RNF13: variants seen among roughly 807,000 people sequenced by gnomAD.
The protein encoded by RNF13 is ring finger protein 13.
Under a neutral mutation model 37.7 loss-of-function variants are expected in RNF13, and 19 were observed. That is an observed-to-expected ratio of 0.50 (90% CI 0.35 to 0.74). The LOEUF (loss-of-function observed/expected upper bound fraction) is 0.74. Among genes scored for constraint, RNF13 ranks in the 30% least tolerant of loss-of-function variants. The pLI is 0.01. For synonymous variants in RNF13, 144 were observed against 157.8 expected, an observed-to-expected ratio of 0.91 and a Z score of 0.65; for missense variants, 375 against 453.0, an observed-to-expected ratio of 0.83 and a Z score of 1.56.
At chr3:149,856,699 T>C (rs1431145819) in intron 3 of RNF13, among the ~76,000 whole-genome samples, 1 of 152,132 alleles carries the variant, frequency 6.6e-6, no homozygotes, top group Non-Finnish European at 1.5e-5. Context: ...TGCTTCGGCC[T>C]CCTAAAGTGA....
Position 149,846,086 on chromosome 3 carries a change from T to C in RNF13, c.60T>C (p.Thr20=). 1.2e-6 allele frequency: 2 copies of C among 1,613,250 alleles called. No homozygotes were observed. The highest frequency in any genetic ancestry group is 1.7e-6 in the Non-Finnish European group (2 of 1,179,884). The change falls in exon 2 of 10, where the codon ACT becomes ACC. Residue 20 remains threonine (T), a synonymous_variant. Transcript: ENST00000392894. Reference sequence around the variant, plus strand: ...CCACACAAGTCTACACCATCTTGACTGTCCAGCTCTTTGCATTCTTAAACC... The same window carrying C: ...CCACACAAGTCTACACCATCTTGACCGTCCAGCTCTTTGCATTCTTAAACC... ...LSATQVYTIL[T]VQLFAFLNLL...
intron 1 of RNF13, among the ~76,000 whole-genome samples, chr3:149,843,094 A>G (rs1722325544): frequency 6.6e-6 from 1 of 152,206 alleles, no homozygotes; most frequent in African/African-American, 2.4e-5. Flanking sequence ...AAGTGACTAT[A>G]CTGAACATGT....
At position 149,841,925 on chromosome 3, in the gene RNF13, C is replaced by T. The variant is rs529759875; in HGVS notation, c.-16-4086C>T. ...GATTACAGGTGTGAGCTGCTACACT[C>T]GGCCTGGGCAGATTCTTAAATGTGA... On this transcript the variant is annotated intron_variant, in intron 1 of 9. Transcript: ENST00000392894. Among the ~76,000 whole-genome samples the T allele has an allele frequency of 6.6e-5, 10 of 152,312 alleles. No homozygotes were observed. In the South Asian group the frequency reaches 2.1e-3, roughly 32 times the overall value.
intron 1 of RNF13, among the ~76,000 whole-genome samples, chr3:149,836,709 A>T (rs1359426568): frequency 2.0e-5 from 3 of 152,172 alleles, no homozygotes; most frequent in Non-Finnish European, 4.4e-5. Context: ...GCAGGAACTC[A>T]GTTATTTTTT....
chr3:149,885,692 C>T (rs1282703327), intron 4 of RNF13, among the ~76,000 whole-genome samples: 9 of 152,156 alleles, frequency 5.9e-5, no homozygotes. Flanking sequence ...TGTCTCTTTA[C>T]TTTGTTGATT....
At chr3:149,939,867 G>A (rs1020337743) in intron 8 of RNF13, 7 of 450,224 alleles carry the variant, frequency 1.6e-5, no homozygotes, top group Admixed American at 1.5e-4. Flanking sequence ...CCAGAGAACA[G>A]CCGCGCAGGA....
chr3:149,955,903 C>G (rs1034905450), intron 8 of RNF13, among the ~76,000 whole-genome samples: 17 of 152,132 alleles, frequency 1.1e-4, no homozygotes, highest in African/African-American at 4.1e-4. Context: ...AGTTTCAAGC[C>G]TTGTTTAAAA....
At chr3:149,827,337 A>G (rs1720604507) in intron 1 of RNF13, among the ~76,000 whole-genome samples, 1 of 152,220 alleles carries the variant, frequency 6.6e-6, no homozygotes, top group African/African-American at 2.4e-5. Context: ...GACCATCCAT[A>G]GATTTTAGTA....
At chr3:149,919,516 G>A (rs1056973769) in intron 7 of RNF13, among the ~76,000 whole-genome samples, 2 of 151,990 alleles carry the variant, frequency 1.3e-5, no homozygotes, top group Admixed American at 6.6e-5. Flanking sequence ...ACTCTTTTGT[G>A]TCTGTCTTCT....
chr3:149,940,138 A>G (rs777419731), intron 8 of RNF13, among the ~76,000 whole-genome samples: 2 of 152,126 alleles, frequency 1.3e-5, no homozygotes, highest in Non-Finnish European at 2.9e-5. Context: ...AGTATTTCAT[A>G]ATGATTCCAC....
At chr3:149,923,710 G>C (rs1341314580) in intron 8 of RNF13, among the ~76,000 whole-genome samples, 1 of 141,494 alleles carries the variant, frequency 7.1e-6, no homozygotes. Flanking sequence ...AGGTTGCAGT[G>C]AGCCGAGATC....
At chr3:149,892,317 C>T (rs1305230248) in intron 4 of RNF13, among the ~76,000 whole-genome samples, 2 of 152,112 alleles carry the variant, frequency 1.3e-5, no homozygotes, top group African/African-American at 2.4e-5. Flanking sequence ...GTTTTAAAAG[C>T]CTAATGGTTA....
At chr3:149,854,548 T>TTACCC (rs1723458716) in intron 3 of RNF13, among the ~76,000 whole-genome samples, 1 of 152,212 alleles carries the variant, frequency 6.6e-6, no homozygotes, top group Admixed American at 6.5e-5. Flanking sequence ...GAAAGGGATT[T>TTACCC]ATAAAGGGAT....
intron 5 of RNF13, among the ~76,000 whole-genome samples, chr3:149,897,370 T>C (rs1715374545): frequency 6.6e-6 from 1 of 152,248 alleles, no homozygotes; most frequent in South Asian, 2.1e-4. Context: ...ATTTACTCTT[T>C]TGACATGTTT....
At chr3:149,897,663 T>G (rs1366333832) in intron 5 of RNF13, among the ~76,000 whole-genome samples, 4 of 152,214 alleles carry the variant, frequency 2.6e-5, no homozygotes, top group Non-Finnish European at 5.9e-5. Context: ...ACGTTTTATA[T>G]GTACAGAGAC....
At position 149,961,175 on chromosome 3, in the gene RNF13, C is replaced by T. The variant is rs1297679442; in HGVS notation, c.*71C>T. 3.1e-5 allele frequency: 42 copies of T among 1,336,098 alleles called. No individual in the cohort carries two copies. The East Asian group carries it at 9.7e-4, about 31-fold the overall frequency. 82.8% of individuals were successfully genotyped at this position (1,336,098 alleles called of 1,614,324 possible). A position where few individuals can be genotyped will look rare whatever the true frequency, so the allele number is the denominator to read the frequency against. On this transcript the variant is annotated 3_prime_UTR_variant, in exon 10 of 10. Transcript: ENST00000392894. ...TATACTGTAATTTGATTTTTTGCTC[C>T]CTTCAAAGATTTCTGTAGAAATAAC...
In RNF13 at chr3:149,860,270, AATAT is replaced by A. The variant is rs1186058605; in HGVS notation, c.195+7702_195+7705del. On this transcript the variant is annotated intron_variant, in intron 3 of 9. Transcript: ENST00000392894. ...GAGACTCCATCTAAAAAAAAAAAAA[AATAT>A]ATATATATATATATATATATATATA... 3.4e-3 allele frequency among the ~76,000 whole-genome samples: 349 copies of A among 104,056 alleles called. 20 individuals carry two copies. Among genetic ancestry groups the A allele is most frequent in the Middle Eastern group, 9.9e-3 (2 of 202 alleles). 68.3% of individuals were successfully genotyped at this position (104,056 alleles called of 152,430 possible).
intron 8 of RNF13, among the ~76,000 whole-genome samples, chr3:149,953,821 G>A (rs974159337): frequency 9.2e-5 from 14 of 152,158 alleles, no homozygotes; most frequent in African/African-American, 3.4e-4. Flanking sequence ...CAAGGTGTGT[G>A]GTGGGAGGGA....
chr3:149,842,668 T>C (rs1722291188), intron 1 of RNF13, among the ~76,000 whole-genome samples: 1 of 152,220 alleles, frequency 6.6e-6, no homozygotes, highest in Non-Finnish European at 1.5e-5. Context: ...TATTGCAGTG[T>C]TTTTCTAAAA....
Sources: gnomAD v4.1 joint callset for allele counts (sites outside exome capture counted in the v4.1 genomes callset) on GRCh38, gnomAD v4.1.1 for gene constraint, MANE v1.5 for transcripts, NCBI Gene and HGNC (gene_info 2026-07-23, HGNC 2026-07-21) for gene names.